DOK6: variants seen among roughly 807,000 people sequenced by gnomAD.
DOK6 encodes the protein downstream of tyrosine kinase 6.
Under a neutral mutation model 44.0 loss-of-function variants are expected in DOK6, and 22 were observed. The ratio of observed to expected loss-of-function variants is 0.50; its 90% CI spans 0.36 to 0.71. The LOEUF is 0.71. Ranked by LOEUF, DOK6 falls within the 30% of genes least tolerant of loss-of-function variation. The pLI, the probability that DOK6 is intolerant of heterozygous loss-of-function variation, is 0.00. For missense variants in DOK6, 340 were observed against 416.4 expected (o/e 0.82, Z 1.60); for synonymous variants, 166 against 145.5 (o/e 1.14, Z -1.01).
chr18:69,827,637 A>G (rs548573393), intron 7 of DOK6, among the ~76,000 whole-genome samples: 10 of 152,168 alleles, frequency 6.6e-5, no homozygotes, highest in African/African-American at 1.9e-4. Flanking sequence ...TGCAAGCTTA[A>G]CCCTGTATCC....
intron 7 of DOK6, among the ~76,000 whole-genome samples, chr18:69,825,713 C>T (rs1981723142): frequency 6.6e-6 from 1 of 151,902 alleles, no homozygotes; most frequent in African/African-American, 2.4e-5. Context: ...ATGATTATTA[C>T]TCATAAAATA....
intron 2 of DOK6, among the ~76,000 whole-genome samples, chr18:69,565,474 CGTGTGT>C (rs869115556): frequency 3.9e-3 from 341 of 87,612 alleles, no homozygotes; most frequent in African/African-American, 0.013. Flanking sequence ...TCTGTCTCTA[CGTGTGT>C]GTGTGTGTGT....
intron 7 of DOK6, chr18:69,831,117 G>A (rs1981889606): frequency 1.3e-5 from 2 of 152,536 alleles, no homozygotes; most frequent in South Asian, 4.1e-4. Context: ...AAAAGAGCCA[G>A]AAGTGAGACA....
chr18:69,746,862 C>T (rs911590893), intron 6 of DOK6, among the ~76,000 whole-genome samples: 10 of 152,134 alleles, frequency 6.6e-5, no homozygotes, highest in Admixed American at 1.3e-4. Context: ...AACAGGCACT[C>T]GCATTCCTGC....
intron 1 of DOK6, among the ~76,000 whole-genome samples, chr18:69,511,023 CAA>C (rs1020686946): frequency 6.6e-6 from 1 of 151,972 alleles, no homozygotes; most frequent in Admixed American, 6.6e-5. Context: ...TAAAATGAAA[CAA>C]AATGAAACTT....
intron 3 of DOK6, among the ~76,000 whole-genome samples, chr18:69,616,934 A>G (rs1291328750): frequency 6.6e-6 from 1 of 152,262 alleles, no homozygotes; most frequent in Non-Finnish European, 1.5e-5. Context: ...TATCTTTCTT[A>G]CAGTAGCAAT....
rs369637768 is a variant in DOK6, at chr18:69,481,843, A to T, written c.66+80533A>T. On this transcript the variant is annotated intron_variant, in intron 1 of 7. Transcript: ENST00000382713. The stretch of plus-strand genomic sequence containing the variant: ...AACTAGTTTACACTCCCACCAACAG[A>T]GTAAAAGTGTTCCTATTTCTCCACA... Among the ~76,000 whole-genome samples, 12 of 152,068 alleles carry T rather than the reference A, an allele frequency of 7.9e-5. 1 individual carries two copies. Among genetic ancestry groups the T allele is most frequent in the African/African-American group, 9.6e-5 (4 of 41,500 alleles).
chr18:69,810,196 A>AT (rs1398516684), intron 7 of DOK6, among the ~76,000 whole-genome samples: 1 of 152,036 alleles, frequency 6.6e-6, no homozygotes, highest in East Asian at 1.9e-4. Flanking sequence ...TGGTCAATTG[A>AT]TTTTTGACAA....
At chr18:69,566,521 G>GA (rs201790269) in intron 2 of DOK6, among the ~76,000 whole-genome samples, 3,791 of 152,146 alleles carry the variant, frequency 0.025, 169 homozygotes, top group African/African-American at 0.087. Context: ...TCTTTTATCT[G>GA]AAAAAAATAG....
At chr18:69,765,147 T>A (rs1254856738) in intron 7 of DOK6, among the ~76,000 whole-genome samples, 6 of 152,236 alleles carry the variant, frequency 3.9e-5, no homozygotes, top group Non-Finnish European at 8.8e-5. Context: ...CCTTCTCTAC[T>A]GTCCAAACTG....
chr18:69,626,131 G>T (rs1361636777), intron 3 of DOK6, among the ~76,000 whole-genome samples: 1 of 152,096 alleles, frequency 6.6e-6, no homozygotes, highest in East Asian at 1.9e-4. Context: ...GTAATCCATT[G>T]TATTTTTCTG....
intron 1 of DOK6, among the ~76,000 whole-genome samples, chr18:69,437,890 C>G (rs934336891): frequency 1.3e-5 from 2 of 152,126 alleles, no homozygotes; most frequent in Admixed American, 6.6e-5. Context: ...ATATAAAAGT[C>G]ATGTTCACAC....
chr18:69,688,437 T>TAA (rs1405296553), intron 4 of DOK6, among the ~76,000 whole-genome samples: 2 of 152,328 alleles, frequency 1.3e-5, no homozygotes, highest in East Asian at 3.9e-4. Context: ...GCACTTATTA[T>TAA]AAGTGATAAC....
chr18:69,680,271 T>C (rs1986015067), intron 4 of DOK6, among the ~76,000 whole-genome samples: 1 of 152,310 alleles, frequency 6.6e-6, no homozygotes, highest in Non-Finnish European at 1.5e-5. Flanking sequence ...GACTCTTCAA[T>C]GTTTAGCATT....
intron 1 of DOK6, among the ~76,000 whole-genome samples, chr18:69,535,696 G>A (rs1279741489): frequency 6.6e-6 from 1 of 151,244 alleles, no homozygotes; most frequent in East Asian, 1.9e-4. Context: ...CTTTACTTAG[G>A]CTATAAAAAT....
intron 7 of DOK6, among the ~76,000 whole-genome samples, chr18:69,812,039 A>G (rs1349496112): frequency 7.1e-6 from 1 of 140,496 alleles, no homozygotes; most frequent in African/African-American, 2.5e-5. Flanking sequence ...TTTAACAAAT[A>G]CATACATACT....
chr18:69,711,566 C>T (rs972231636), intron 5 of DOK6, among the ~76,000 whole-genome samples: 1 of 152,186 alleles, frequency 6.6e-6, no homozygotes, highest in African/African-American at 2.4e-5. Flanking sequence ...TAATGCTACT[C>T]TATTCTTTAA....
chr18:69,418,510 G>T (rs1282159674), intron 1 of DOK6, among the ~76,000 whole-genome samples: 2 of 152,110 alleles, frequency 1.3e-5, no homozygotes, highest in African/African-American at 2.4e-5. Context: ...ATCCAGGCTG[G>T]AGTGCAGTGA....
chr18:69,709,537 A>T (rs2144713713), intron 5 of DOK6, among the ~76,000 whole-genome samples: 1 of 152,204 alleles, frequency 6.6e-6, no homozygotes, highest in South Asian at 2.1e-4. Flanking sequence ...TATTTACAAG[A>T]TTTTTTTCTT....
Sources: allele counts gnomAD v4.1 joint callset (sites outside exome capture counted in the v4.1 genomes callset), GRCh38; gene constraint gnomAD v4.1.1; transcripts MANE v1.5; gene names NCBI Gene and HGNC (gene_info 2026-07-23, HGNC 2026-07-21).